The following NEIL2 variants were observed in gnomAD, a reference collection of about 807,000 sequenced individuals.
NEIL2 encodes endonuclease 8-like 2.
Under a neutral mutation model 22.2 loss-of-function variants are expected in NEIL2, and 23 were observed. The observed-to-expected ratio is 1.04, with a 90% CI of 0.75 to 1.47. NEIL2 has a LOEUF of 1.47. NEIL2 is among the 40% of genes most tolerant of loss of function. NEIL2 has a pLI of 0.00. For synonymous variants in NEIL2, 229 were observed against 164.8 expected, an observed-to-expected ratio of 1.39 and a Z score of -2.99; for missense variants, 583 against 404.7, an observed-to-expected ratio of 1.44 and a Z score of -3.78.
At chr8:11,770,439 A>G (rs1803339090) in intron 1 of NEIL2, 104 bp downstream of exon 1, 2 of 152,154 alleles carry the variant, frequency 1.3e-5, no homozygotes, top group Non-Finnish European at 2.9e-5. Context: ...ATCTCAGCGA[A>G]TCGGCACCAG....
intron 2 of NEIL2, among the ~76,000 whole-genome samples, chr8:11,778,254 A>T (rs1458184672): frequency 5.4e-5 from 8 of 149,054 alleles, no homozygotes; most frequent in African/African-American, 2.0e-4. Context: ...TATTTTCTGC[A>T]GCAAATTCTA....
chr8:11,782,069 A>C (rs573752610), intron 3 of NEIL2, among the ~76,000 whole-genome samples: 1 of 152,192 alleles, frequency 6.6e-6, no homozygotes, highest in African/African-American at 2.4e-5. Flanking sequence ...ATTTCCAAAT[A>C]AATAAATAAA....
chr8:11,776,455 C>T (rs804259), intron 2 of NEIL2, among the ~76,000 whole-genome samples: 148,397 of 152,346 alleles, frequency 0.97, 72,387 homozygotes, highest in Non-Finnish European at 1. Flanking sequence ...TTGTTGGACA[C>T]TCGGATTGTT....
intron 2 of NEIL2, among the ~76,000 whole-genome samples, chr8:11,778,470 A>G (rs1804100857): frequency 6.6e-6 from 1 of 152,202 alleles, no homozygotes; most frequent in Non-Finnish European, 1.5e-5. Context: ...AGATCATACC[A>G]GAACAGTGAT....
chr8:11,771,382 T>C, intron 1 of NEIL2, 64 bp from the exon 2 acceptor site: 1 of 1,602,582 alleles, frequency 6.2e-7, no homozygotes, highest in Non-Finnish European at 8.5e-7. Context: ...GCTTGGCACC[T>C]GTTAAAGATG....
chr8:11,771,723 C>G, intron 2 of NEIL2, 138 bp downstream of exon 2: 2 of 821,294 alleles, frequency 2.4e-6, no homozygotes, highest in Non-Finnish European at 3.8e-6. Flanking sequence ...CTCCCTCTTT[C>G]AGTCTCACGT....
Position 11,771,287 on chromosome 8 carries a change from A to G in NEIL2, c.-2-159A>G, listed in dbSNP as rs1195914787. ...CCTGCCACAGCTGCTCTTCTCTATGATCTGACCGCCTCCCAGCCACACTCC... is the reference window on the plus strand; with the variant it reads ...CCTGCCACAGCTGCTCTTCTCTATGGTCTGACCGCCTCCCAGCCACACTCC... On this transcript the variant is annotated intron_variant, in intron 1 of 4. Transcript: ENST00000284503. Among the ~76,000 whole-genome samples, 5 of 152,112 alleles carry G rather than the reference A, an allele frequency of 3.3e-5. No homozygotes were observed. In the East Asian group the frequency reaches 5.8e-4, roughly 18 times the overall value.
At chr8:11,781,069 C>T (rs1174221683) in intron 3 of NEIL2, among the ~76,000 whole-genome samples, 1 of 152,102 alleles carries the variant, frequency 6.6e-6, no homozygotes, top group Non-Finnish European at 1.5e-5. Flanking sequence ...GTAGGTTTCC[C>T]CTTTTGCTAA....
At chr8:11,777,250 C>T (rs1217786262) in intron 2 of NEIL2, among the ~76,000 whole-genome samples, 2 of 152,044 alleles carry the variant, frequency 1.3e-5, no homozygotes, top group African/African-American at 4.8e-5. Flanking sequence ...GTCTCAGCCT[C>T]CCAAAGTGCA....
intron 2 of NEIL2, among the ~76,000 whole-genome samples, chr8:11,779,204 C>T (rs912411710): frequency 2.0e-5 from 3 of 152,132 alleles, no homozygotes; most frequent in Non-Finnish European, 4.4e-5. Context: ...TCTTTAGCTG[C>T]TCTGTATGTG....
intron 3 of NEIL2, among the ~76,000 whole-genome samples, chr8:11,781,581 C>T (rs1804426102): frequency 6.6e-6 from 1 of 152,222 alleles, no homozygotes. Context: ...GAAGGAGGCT[C>T]ACCCCTAGGT....
At chr8:11,771,952 C>A (rs1190858754) in intron 2 of NEIL2, among the ~76,000 whole-genome samples, 1 of 152,050 alleles carries the variant, frequency 6.6e-6, no homozygotes, top group African/African-American at 2.4e-5. Flanking sequence ...CACCTGTAAT[C>A]CCAGCACTTT....
At chr8:11,772,765 T>C (rs1019221871) in intron 2 of NEIL2, among the ~76,000 whole-genome samples, 2 of 152,230 alleles carry the variant, frequency 1.3e-5, no homozygotes, top group Non-Finnish European at 2.9e-5. Context: ...CCGTGTGCTC[T>C]TAAGCATGTT....
At position 11,785,944 on chromosome 8, in the gene NEIL2, T is replaced by A. The variant is rs1193156926; in HGVS notation, c.689-19T>A. The A allele has an allele frequency of 6.2e-7, 1 of 1,611,486 alleles. No individual in the cohort carries two copies. The highest frequency in any genetic ancestry group is 8.5e-7 in the Non-Finnish European group (1 of 1,177,790). On this transcript the variant is annotated intron_variant, in intron 4 of 4. Coordinates refer to ENST00000284503, the MANE Select transcript of NEIL2 (RefSeq NM_145043.4). ...ATGTGTCCTTTGTCCTTCCCTTACC[T>A]TCCCCCGCTTTATTTCAGGGAACAT...
chr8:11,785,864 G>C, intron 4 of NEIL2, 99 bp from the exon 5 acceptor site: 1 of 1,104,480 alleles, frequency 9.1e-7, no homozygotes, highest in Non-Finnish European at 1.4e-6. Context: ...GGTCCCCCAG[G>C]ACATGGAAGA....
At position 11,783,292 on chromosome 8, in the gene NEIL2, G is replaced by T; in HGVS notation, c.581G>T (p.Cys194Phe). The change falls in exon 4 of 5, where the codon TGT becomes TTT. Residue 194 changes from cysteine to phenylalanine, a missense_variant. Coordinates refer to ENST00000284503, the MANE Select transcript of NEIL2 (RefSeq NM_145043.4). ...WSSSPVVTPT[C>F]DILSEKFHRG... ...TCTTCCCCAGTGGTCACACCCACCT[G>T]TGACATCCTGTCTGAGAAGTTCCAT... 1.2e-6 allele frequency: 2 copies of T among 1,614,214 alleles called. No individual in the cohort carries two copies. Among genetic ancestry groups the T allele is most frequent in the African/African-American group, 2.7e-5 (2 of 75,042 alleles).
At chr8:11,774,522 A>AC (rs2130455438) in intron 2 of NEIL2, among the ~76,000 whole-genome samples, 1 of 151,918 alleles carries the variant, frequency 6.6e-6, no homozygotes, top group South Asian at 2.1e-4. Context: ...ATATTATTCC[A>AC]CCCCCAGGCC....
At chr8:11,772,633 A>C (rs1301504236) in intron 2 of NEIL2, among the ~76,000 whole-genome samples, 2 of 152,196 alleles carry the variant, frequency 1.3e-5, no homozygotes, top group African/African-American at 4.8e-5. Context: ...GGGAGAGGAC[A>C]GATGCAGAGG....
At chr8:11,772,925 C>T (rs891987872) in intron 2 of NEIL2, among the ~76,000 whole-genome samples, 5 of 152,144 alleles carry the variant, frequency 3.3e-5, no homozygotes, top group African/African-American at 9.7e-5. Flanking sequence ...CCCCCCACCC[C>T]CGCAACACAC....
Sources: allele counts gnomAD v4.1 joint callset (sites outside exome capture counted in the v4.1 genomes callset), GRCh38; gene constraint gnomAD v4.1.1; transcripts MANE v1.5; gene names NCBI Gene and HGNC (gene_info 2026-07-23, HGNC 2026-07-21).